ADGRB3: variants seen among roughly 807,000 people sequenced by gnomAD.
The protein encoded by ADGRB3 is brain-specific angiogenesis inhibitor 3.
Under a neutral mutation model 193.4 loss-of-function variants are expected in ADGRB3, and 37 were observed. The ratio of observed to expected loss-of-function variants is 0.19; its 90% confidence interval spans 0.15 to 0.25. The LOEUF (loss-of-function observed/expected upper bound fraction) is 0.25. ADGRB3 is among the 10% of genes least tolerant of loss of function. ADGRB3 has a pLI of 1.00. For missense variants in ADGRB3, 1,637 were observed against 1,852.9 expected, an observed-to-expected ratio of 0.88 and a Z score of 2.14; for synonymous variants, 690 against 644.2, an observed-to-expected ratio of 1.07 and a Z score of -1.08.
intron 3 of ADGRB3, among the ~76,000 whole-genome samples, chr6:68,864,731 T>C (rs1280724450): frequency 6.6e-6 from 1 of 152,212 alleles, no homozygotes; most frequent in African/African-American, 2.4e-5. Context: ...ACTGGCCAGT[T>C]CATTTGTTCT....
Position 69,332,928 on chromosome 6 carries a change from C to T in ADGRB3, c.3108C>T (p.Asn1036=). The change falls in exon 24 of 32, where the codon AAC becomes AAT. Residue 1036 remains asparagine, a synonymous_variant. Coordinates refer to ENST00000370598, the MANE Select transcript of ADGRB3 (RefSeq NM_001704.3). ...ACTTTGTTTCTGTTTGACAGGTCAA[C>T]ATGGTGATTGGCATTTTGGTATTTA... ...VGPAAAVVLV[N]MVIGILVFNK... 7 of 1,613,606 alleles carry T rather than the reference C, an allele frequency of 4.3e-6. No individual in the cohort carries two copies. Among genetic ancestry groups the T allele is most frequent in the Non-Finnish European group, 5.9e-6 (7 of 1,179,768 alleles).
chr6:68,905,867 T>C (rs1228056881), intron 3 of ADGRB3, among the ~76,000 whole-genome samples: 2 of 152,154 alleles, frequency 1.3e-5, no homozygotes, highest in Non-Finnish European at 2.9e-5. Context: ...GCCTCAGTTT[T>C]CTCACAACCT....
chr6:69,160,964 C>G (rs1028061867), intron 17 of ADGRB3, among the ~76,000 whole-genome samples: 12 of 152,028 alleles, frequency 7.9e-5, no homozygotes, highest in African/African-American at 2.7e-4. Flanking sequence ...TATGCCAACT[C>G]AACACTCAGA....
intron 3 of ADGRB3, among the ~76,000 whole-genome samples, chr6:68,805,848 G>A (rs896374233): frequency 2.0e-5 from 3 of 152,134 alleles, no homozygotes; most frequent in Non-Finnish European, 4.4e-5. Context: ...TTATAAGGGT[G>A]TTTGCAAATA....
chr6:69,027,221 G>A lies in ADGRB3; in HGVS notation c.2107+8722G>A, dbSNP rs547532164. On this transcript the variant is annotated intron_variant, in intron 13 of 31. Coordinates refer to ENST00000370598, the MANE Select transcript of ADGRB3 (RefSeq NM_001704.3). ...TTAATTTTTAAATTTTAGATTTTTA[G>A]TTTTTTTTTTGGTAAACCCAAGACA... Among the ~76,000 whole-genome samples the A allele has an allele frequency of 6.2e-5, 9 of 145,368 alleles. No individual in the cohort carries two copies. The South Asian group carries it at 2.0e-3, about 32-fold the overall frequency.
At chr6:68,850,215 G>GT (rs576020818) in intron 3 of ADGRB3, among the ~76,000 whole-genome samples, 25 of 151,078 alleles carry the variant, frequency 1.7e-4, no homozygotes, top group Non-Finnish European at 2.2e-4. Flanking sequence ...ATTGCTCTGT[G>GT]TTTTTTTTAA....
chr6:68,662,787 T>C (rs1285844739), intron 3 of ADGRB3, among the ~76,000 whole-genome samples: 1 of 151,370 alleles, frequency 6.6e-6, no homozygotes, highest in East Asian at 1.9e-4. Context: ...ATCATGAAAA[T>C]AGTATTTAGT....
At chr6:68,658,830 T>G (rs1194504763) in intron 3 of ADGRB3, among the ~76,000 whole-genome samples, 1 of 151,158 alleles carries the variant, frequency 6.6e-6, no homozygotes, top group African/African-American at 2.4e-5. Flanking sequence ...TAATCTTTTC[T>G]GTAATTATGA....
chr6:69,189,211 A>G lies in ADGRB3; in HGVS notation c.2481-44079A>G, dbSNP rs535318866. On this transcript the variant is annotated intron_variant, in intron 17 of 31. Transcript: ENST00000370598. ...TTAAATTAAGTTAGTTAATAACAGC[A>G]TATTTTCTGTGGTGCAGTCACAATA... 1.5e-4 allele frequency among the ~76,000 whole-genome samples: 23 copies of G among 152,312 alleles called. No homozygotes were observed. The South Asian group carries it at 3.7e-3, about 25-fold the overall frequency.
chr6:69,124,652 C>G (rs1253817824), intron 17 of ADGRB3, among the ~76,000 whole-genome samples: 2 of 152,162 alleles, frequency 1.3e-5, no homozygotes, highest in Admixed American at 1.3e-4. Context: ...TTTTGAATTT[C>G]TAAAAAGTTA....
At chr6:68,839,887 T>C (rs1333772084) in intron 3 of ADGRB3, among the ~76,000 whole-genome samples, 2 of 152,098 alleles carry the variant, frequency 1.3e-5, no homozygotes, top group African/African-American at 4.8e-5. Flanking sequence ...AACAAAATCT[T>C]GTATGCATAG....
Position 69,327,851 on chromosome 6 carries a change from A to T in ADGRB3, c.2997A>T (p.Val999=). The T allele has an allele frequency of 6.2e-7, 1 of 1,610,770 alleles. No homozygotes were observed. Among genetic ancestry groups the T allele is most frequent in the South Asian group, 1.1e-5 (1 of 90,744 alleles). ...CAGCATTAGTAGTGGCCACATCAGT[A>T]GGCTTCACCAGAACAAAAGGATATG... The part of the protein sequence containing the change: ...GLPALVVATS[V]GFTRTKGYGT... Residue 999 remains valine, a synonymous_variant, in exon 22 of 32, where the codon GTA becomes GTT. Transcript: ENST00000370598.
At chr6:68,965,438 A>G (rs570481655) in intron 8 of ADGRB3, among the ~76,000 whole-genome samples, 1 of 133,178 alleles carries the variant, frequency 7.5e-6, no homozygotes, top group South Asian at 2.2e-4. Context: ...GTTCTTGAGT[A>G]GTACATGTTT....
intron 13 of ADGRB3, among the ~76,000 whole-genome samples, chr6:69,035,574 A>G (rs1309977477): frequency 2.0e-5 from 3 of 152,132 alleles, no homozygotes; most frequent in East Asian, 3.9e-4. Flanking sequence ...CCTGAAAAGG[A>G]TTTCTTATTT....
chr6:68,920,489 C>T (rs1245251141), intron 3 of ADGRB3, among the ~76,000 whole-genome samples: 2 of 137,892 alleles, frequency 1.5e-5, no homozygotes, highest in Non-Finnish European at 3.0e-5. Context: ...TGCACTCCAG[C>T]CTCGGCGACA....
At chr6:69,123,577 A>T (rs182584820) in intron 17 of ADGRB3, among the ~76,000 whole-genome samples, 1 of 152,324 alleles carries the variant, frequency 6.6e-6, no homozygotes, top group African/African-American at 2.4e-5. Context: ...AATAAATGCT[A>T]TATAGAAAGA....
At chr6:69,356,921 T>G (rs2127329385) in intron 28 of ADGRB3, among the ~76,000 whole-genome samples, 1 of 152,232 alleles carries the variant, frequency 6.6e-6, no homozygotes, top group South Asian at 2.1e-4. Flanking sequence ...TATGGTCCTT[T>G]GTAGGAACAG....
intron 3 of ADGRB3, among the ~76,000 whole-genome samples, chr6:68,792,082 A>T (rs542871163): frequency 6.6e-6 from 1 of 152,306 alleles, no homozygotes; most frequent in Admixed American, 6.5e-5. Flanking sequence ...TACCATCTCT[A>T]TGTTTTAGAA....
At chr6:68,754,762 A>G (rs573763858) in intron 3 of ADGRB3, among the ~76,000 whole-genome samples, 1 of 152,170 alleles carries the variant, frequency 6.6e-6, no homozygotes, top group South Asian at 2.1e-4. Context: ...AGCATTAGAA[A>G]GGTTGAAGAT....
Sources: gnomAD v4.1 joint callset for allele counts (sites outside exome capture counted in the v4.1 genomes callset) on GRCh38, gnomAD v4.1.1 for gene constraint, MANE v1.5 for transcripts, NCBI Gene and HGNC (gene_info 2026-07-23, HGNC 2026-07-21) for gene names.